The following ADGRL3 variants were observed in gnomAD, a reference collection of about 807,000 sequenced individuals.
ADGRL3 encodes the protein calcium-independent alpha-latrotoxin receptor 3.
ADGRL3 carries 62 observed loss-of-function variants against 153.5 expected under a neutral mutation model. That is an observed-to-expected ratio of 0.40 (90% CI 0.33 to 0.50). The LOEUF (loss-of-function observed/expected upper bound fraction) is 0.50. ADGRL3 is among the 20% of genes least tolerant of loss of function. ADGRL3 has a pLI of 0.47. For synonymous variants in ADGRL3, 710 were observed against 672.5 expected (o/e 1.06, Z -0.86); for missense variants, 1,641 against 1,859.4 (o/e 0.88, Z 2.16).
intron 13 of ADGRL3, among the ~76,000 whole-genome samples, chr4:61,930,592 A>G (rs892823270): frequency 1.3e-5 from 2 of 152,164 alleles, no homozygotes; most frequent in Non-Finnish European, 2.9e-5. Context: ...GTTATATGCT[A>G]TGAGTAATAT....
At position 61,591,032 on chromosome 4, in the gene ADGRL3, A is replaced by C. The variant is rs147794205; in HGVS notation, c.473+3592A>C. Among the ~76,000 whole-genome samples the C allele has an allele frequency of 2.7e-3, 410 of 152,326 alleles. 2 individuals carry two copies. The highest frequency in any genetic ancestry group is 9.4e-3 in the African/African-American group (390 of 41,588). On this transcript the variant is annotated intron_variant, in intron 5 of 26. Transcript: ENST00000683033. ...ACAAATCAAGCTCATCCATGTAACT[A>C]TCACAGATAAGGCAGAAAATTAATG... is the stretch of plus-strand genomic sequence containing the variant.
chr4:61,706,858 T>G (rs181488413), intron 6 of ADGRL3, among the ~76,000 whole-genome samples: 345 of 152,338 alleles, frequency 2.3e-3, no homozygotes, highest in Non-Finnish European at 3.5e-3. Flanking sequence ...ACTTTTCCTT[T>G]GCATTTACAA....
intron 1 of ADGRL3, among the ~76,000 whole-genome samples, chr4:61,283,975 G>A (rs1165809022): frequency 3.3e-5 from 5 of 151,872 alleles, no homozygotes; most frequent in East Asian, 1.9e-4. Context: ...ACTATGTAAC[G>A]ATACCTGCTT....
At chr4:61,501,473 A>G (rs1202076520) in intron 3 of ADGRL3, among the ~76,000 whole-genome samples, 1 of 152,150 alleles carries the variant, frequency 6.6e-6, no homozygotes, top group Non-Finnish European at 1.5e-5. Context: ...GAAAATAAGT[A>G]ATTACTGTTA....
At chr4:61,631,178 A>G (rs376191675) in intron 5 of ADGRL3, among the ~76,000 whole-genome samples, 3 of 152,212 alleles carry the variant, frequency 2.0e-5, no homozygotes, top group East Asian at 3.9e-4. Context: ...ACCTTTCTCA[A>G]TATTTCTAGT....
intron 21 of ADGRL3, among the ~76,000 whole-genome samples, chr4:62,000,999 G>A (rs561608870): frequency 2.0e-5 from 3 of 152,092 alleles, no homozygotes; most frequent in Admixed American, 6.5e-5. Flanking sequence ...ACCCAGGCTG[G>A]TCTCGAACTC....
At chr4:61,387,491 AGAGAC>A (rs1364428945) in intron 2 of ADGRL3, among the ~76,000 whole-genome samples, 4 of 152,112 alleles carry the variant, frequency 2.6e-5, no homozygotes, top group Non-Finnish European at 5.9e-5. Flanking sequence ...CTCGACCATA[AGAGAC>A]GACCACGCCC....
intron 13 of ADGRL3, among the ~76,000 whole-genome samples, chr4:61,921,112 C>T (rs1349973747): frequency 6.6e-6 from 1 of 151,766 alleles, no homozygotes; most frequent in Non-Finnish European, 1.5e-5. Flanking sequence ...TTCTGTTAGT[C>T]ATAGTTTGAG....
At chr4:61,452,297 C>T (rs540395102) in intron 2 of ADGRL3, among the ~76,000 whole-genome samples, 3 of 152,210 alleles carry the variant, frequency 2.0e-5, no homozygotes, top group East Asian at 3.9e-4. Context: ...CTGTTATACT[C>T]GTAACAGTTC....
intron 9 of ADGRL3, 96 bp from the exon 10 acceptor site, chr4:61,892,560 A>G: frequency 9.2e-6 from 8 of 870,040 alleles, no homozygotes; most frequent in Non-Finnish European, 7.4e-6. Flanking sequence ...AAGCTCTTTG[A>G]ACTGTCAAAT....
chr4:61,505,048 G>A (rs1047353991), intron 3 of ADGRL3, among the ~76,000 whole-genome samples: 1 of 151,946 alleles, frequency 6.6e-6, no homozygotes, highest in Non-Finnish European at 1.5e-5. Context: ...CTCCACAGTG[G>A]CTGCACTATT....
chr4:61,371,349 G>T (rs1195588497), intron 1 of ADGRL3, among the ~76,000 whole-genome samples: 1 of 151,698 alleles, frequency 6.6e-6, no homozygotes, highest in East Asian at 1.9e-4. Context: ...ATTTTGGCAT[G>T]ATTTTGCAGC....
intron 2 of ADGRL3, among the ~76,000 whole-genome samples, chr4:61,473,676 A>G (rs2098001037): frequency 6.6e-6 from 1 of 152,058 alleles, no homozygotes; most frequent in Non-Finnish European, 1.5e-5. Flanking sequence ...CTTAATAAGT[A>G]TTTACTCCTA....
At chr4:61,220,810 G>A (rs961610397) in intron 1 of ADGRL3, among the ~76,000 whole-genome samples, 6 of 152,124 alleles carry the variant, frequency 3.9e-5, no homozygotes, top group Admixed American at 2.6e-4. Context: ...CTAGCAATTC[G>A]TGAGATACAA....
At position 61,710,139 on chromosome 4, in the gene ADGRL3, C is replaced by T. The variant is rs976181108; in HGVS notation, c.584-20483C>T. ...CAGATAGTTAAACCACGGCTTTAAA[C>T]GCAGTTCTGAAGTCTGTGGTTGGAT... On this transcript the variant is annotated intron_variant, in intron 6 of 26. Transcript: ENST00000683033. 1.2e-4 allele frequency among the ~76,000 whole-genome samples: 19 copies of T among 152,238 alleles called. No individual in the cohort carries two copies. In the East Asian group the frequency reaches 1.3e-3, roughly 11 times the overall value.
At chr4:61,279,826 T>C (rs1193897724) in intron 1 of ADGRL3, among the ~76,000 whole-genome samples, 1 of 152,136 alleles carries the variant, frequency 6.6e-6, no homozygotes, top group African/African-American at 2.4e-5. Context: ...TATTCTTATA[T>C]GGTCTATTGA....
intron 6 of ADGRL3, among the ~76,000 whole-genome samples, chr4:61,702,214 T>C (rs1334715697): frequency 3.3e-5 from 5 of 152,196 alleles, no homozygotes. Flanking sequence ...CATTTCTTTC[T>C]AATTTCAATC....
At chr4:61,386,093 G>A (rs1318527812) in intron 2 of ADGRL3, among the ~76,000 whole-genome samples, 4 of 152,148 alleles carry the variant, frequency 2.6e-5, no homozygotes, top group African/African-American at 9.7e-5. Context: ...ATTTGGTTAA[G>A]TGTATTTATG....
chr4:61,776,233 G>A (rs2097149332), intron 8 of ADGRL3, among the ~76,000 whole-genome samples: 1 of 152,100 alleles, frequency 6.6e-6, no homozygotes, highest in African/African-American at 2.4e-5. Flanking sequence ...CCAAGCCTCC[G>A]CCTCTGCACG....
Sources: gnomAD v4.1 joint callset for allele counts (sites outside exome capture counted in the v4.1 genomes callset) on GRCh38, gnomAD v4.1.1 for gene constraint, MANE v1.5 for transcripts, NCBI Gene and HGNC (gene_info 2026-07-23, HGNC 2026-07-21) for gene names.